CNOT4: variants seen among roughly 807,000 people sequenced by gnomAD.
The protein encoded by CNOT4 is CCR4-associated factor 4.
Under a neutral mutation model 73.8 loss-of-function variants are expected in CNOT4, and 8 were observed. That is an observed-to-expected ratio of 0.11 (90% CI 0.06 to 0.20). CNOT4 has a LOEUF of 0.20. Ranked by LOEUF, CNOT4 falls within the 10% of genes least tolerant of loss-of-function variation. The pLI is 1.00. For missense variants in CNOT4, 564 were observed against 883.4 expected (o/e 0.64, Z 4.58); for synonymous variants, 293 against 321.1 (o/e 0.91, Z 0.94).
intron 10 of CNOT4, among the ~76,000 whole-genome samples, chr7:135,379,560 G>A (rs1795722196): frequency 6.6e-6 from 1 of 152,136 alleles, no homozygotes; most frequent in Non-Finnish European, 1.5e-5. Flanking sequence ...GGGTATGTGT[G>A]TGCCTATATG....
chr7:135,468,344 T>A (rs1801356572), intron 1 of CNOT4, among the ~76,000 whole-genome samples: 1 of 152,062 alleles, frequency 6.6e-6, no homozygotes, highest in Non-Finnish European at 1.5e-5. Context: ...GAACAATACA[T>A]TTCCCCACTC....
intron 1 of CNOT4, among the ~76,000 whole-genome samples, chr7:135,443,755 T>C (rs1585651730): frequency 6.6e-6 from 1 of 152,176 alleles, no homozygotes; most frequent in African/African-American, 2.4e-5. Flanking sequence ...AAAATAAAAA[T>C]CATACAGTCA....
chr7:135,402,008 A>G (rs527251568), intron 7 of CNOT4, among the ~76,000 whole-genome samples: 1 of 152,292 alleles, frequency 6.6e-6, no homozygotes, highest in East Asian at 1.9e-4. Context: ...ATCCCTGTAC[A>G]TAAAAATTCA....
intron 10 of CNOT4, among the ~76,000 whole-genome samples, chr7:135,372,037 C>T (rs1795234898): frequency 1.3e-5 from 2 of 152,182 alleles, no homozygotes; most frequent in Admixed American, 1.3e-4. Context: ...ATACACAGAT[C>T]ACCAGAATAT....
chr7:135,424,602 T>C (rs1469753988), intron 2 of CNOT4, among the ~76,000 whole-genome samples: 1 of 151,968 alleles, frequency 6.6e-6, no homozygotes, highest in Non-Finnish European at 1.5e-5. Flanking sequence ...CTGGCCAACA[T>C]GGTAAAACCA....
chr7:135,502,441 G>A (rs1394890167), intron 1 of CNOT4, among the ~76,000 whole-genome samples: 1 of 152,176 alleles, frequency 6.6e-6, no homozygotes, highest in East Asian at 1.9e-4. Flanking sequence ...CATTATGAAA[G>A]TATTCTTGAC....
intron 2 of CNOT4, among the ~76,000 whole-genome samples, chr7:135,427,027 T>C (rs932870152): frequency 4.6e-5 from 7 of 151,850 alleles, no homozygotes; most frequent in African/African-American, 1.7e-4. Context: ...AAGCAGAAAA[T>C]TTCTCTTTAA....
chr7:135,367,150 T>G (rs114346765), intron 10 of CNOT4, among the ~76,000 whole-genome samples: 383 of 152,288 alleles, frequency 2.5e-3, no homozygotes, highest in African/African-American at 8.9e-3. Flanking sequence ...CTTTAGACGT[T>G]GAAAATGTCT....
chr7:135,393,836 T>C, intron 10 of CNOT4, 82 bp downstream of exon 10: 1 of 882,238 alleles, frequency 1.1e-6, no homozygotes, highest in Non-Finnish European at 1.8e-6. Context: ...TACTCTGTTA[T>C]TCAACAGTTA....
At chr7:135,495,110 C>G (rs1004444213) in intron 1 of CNOT4, among the ~76,000 whole-genome samples, 1 of 152,160 alleles carries the variant, frequency 6.6e-6, no homozygotes, top group East Asian at 1.9e-4. Flanking sequence ...TTCCCAAGAT[C>G]ACATGGTTAG....
intron 2 of CNOT4, among the ~76,000 whole-genome samples, chr7:135,427,371 C>T (rs1465492916): frequency 1.3e-5 from 2 of 152,078 alleles, no homozygotes; most frequent in Admixed American, 1.3e-4. Context: ...TCACTCCCTT[C>T]CACTGTCCCA....
At chr7:135,384,011 A>G (rs540906152) in intron 10 of CNOT4, among the ~76,000 whole-genome samples, 19 of 152,238 alleles carry the variant, frequency 1.2e-4, no homozygotes, top group African/African-American at 4.3e-4. Flanking sequence ...AACCACATAT[A>G]TTTCAACTTT....
chr7:135,369,619 G>A (rs3828955), intron 10 of CNOT4, among the ~76,000 whole-genome samples: 34,163 of 152,052 alleles, frequency 0.22, 4,348 homozygotes, highest in East Asian at 0.52. Context: ...CTTTCTTGGT[G>A]CAAGTGGCTA....
At chr7:135,412,378 T>G (rs550025699) in intron 6 of CNOT4, among the ~76,000 whole-genome samples, 41 of 152,008 alleles carry the variant, frequency 2.7e-4, no homozygotes, top group African/African-American at 9.4e-4. Flanking sequence ...TGATAGGAAA[T>G]ATGAATAAAG....
At chr7:135,504,496 A>AT (rs1309119708) in intron 1 of CNOT4, among the ~76,000 whole-genome samples, 2 of 54,418 alleles carry the variant, frequency 3.7e-5, no homozygotes, top group Non-Finnish European at 7.2e-5. Flanking sequence ...TTTTATTTTT[A>AT]TTTTTTTTGA....
Position 135,415,214 on chromosome 7 carries a change from CT to C in CNOT4, c.420del (p.Val141LeufsTer21). On this transcript the variant is annotated frameshift_variant, in exon 4 of 12. Transcript: ENST00000541284. LOFTEE classifies it high-confidence loss of function. ...EYFGKFGKIHKVVINNSTSYA... is the reference protein window; with the variant it reads ...EYFGKFGKIHXVVINNSTSYA... The stretch of plus-strand genomic sequence containing the variant: ...TATGATGTGCTATTATTGATGACAA[CT>C]TTATGTATTTTACCAAACTTCCCAA... 1 of 1,604,892 alleles carries C rather than the reference CT, an allele frequency of 6.2e-7. No homozygotes were observed. The highest frequency in any genetic ancestry group is 1.3e-5 in the African/African-American group (1 of 74,770).
At position 135,362,742 on chromosome 7, in the gene CNOT4, C is replaced by T. The variant is rs577397338; in HGVS notation, c.*143G>A. ...TAATGACCCTGTGATCGCATTGCAT[C>T]TGGGGTTAGGGAGAAAAAAAATTGA... On this transcript the variant is annotated 3_prime_UTR_variant, in exon 12 of 12. Coordinates refer to ENST00000541284, the MANE Select transcript of CNOT4 (RefSeq NM_001190850.2). 17 of 828,334 alleles carry T rather than the reference C, an allele frequency of 2.1e-5. No individual in the cohort carries two copies. In the Admixed American group the frequency reaches 2.2e-4, roughly 11 times the overall value. 51.3% of individuals were successfully genotyped at this position (828,334 alleles called of 1,614,324 possible).
intron 10 of CNOT4, among the ~76,000 whole-genome samples, chr7:135,374,831 G>A (rs1041668168): frequency 6.6e-6 from 1 of 152,120 alleles, no homozygotes; most frequent in Non-Finnish European, 1.5e-5. Flanking sequence ...AAATGCATTT[G>A]GAAAGGGTAG....
chr7:135,479,741 A>T (rs1802240715), intron 1 of CNOT4, among the ~76,000 whole-genome samples: 1 of 151,966 alleles, frequency 6.6e-6, no homozygotes, highest in Non-Finnish European at 1.5e-5. Context: ...TATAAAAAAC[A>T]CAAAAATTAG....
Sources: gnomAD v4.1 joint callset for allele counts (sites outside exome capture counted in the v4.1 genomes callset) on GRCh38, gnomAD v4.1.1 for gene constraint, MANE v1.5 for transcripts, NCBI Gene and HGNC (gene_info 2026-07-23, HGNC 2026-07-21) for gene names.